Variants in B4GALNT2 observed in about 807,000 individuals in gnomAD.
B4GALNT2 encodes the protein beta-1,4-N-acetyl-galactosaminyltransferase 2 (SID blood group), also known as N-acetylneuraminylgalactosylglucosyl-glucoside beta-1,4-N- acetylgalactosaminyltransferase 2.
A neutral mutation model predicts 51.1 loss-of-function variants in B4GALNT2; 42 were observed. That is an observed-to-expected ratio of 0.82 (90% CI 0.64 to 1.06). The LOEUF (loss-of-function observed/expected upper bound fraction) is 1.06. Among genes scored for constraint, B4GALNT2 ranks in the 50% least tolerant of loss-of-function variants. B4GALNT2 has a pLI of 0.00. For missense variants in B4GALNT2, 602 were observed against 633.6 expected, an observed-to-expected ratio of 0.95 and a Z score of 0.54; for synonymous variants, 253 against 251.7, an observed-to-expected ratio of 1.01 and a Z score of -0.05.
At chr17:49,167,189 C>G (rs1417137036) in intron 9 of B4GALNT2, among the ~76,000 whole-genome samples, 1 of 152,210 alleles carries the variant, frequency 6.6e-6, no homozygotes, top group Non-Finnish European at 1.5e-5. Context: ...AACAACCACA[C>G]TGGCAGCTGA....
At chr17:49,127,233 G>C in the B4GALNT2 span, among the ~76,000 whole-genome samples, 1 of 152,062 alleles carries the variant, frequency 6.6e-6, no homozygotes, top group African/African-American at 2.4e-5. Flanking sequence ...ACAGTTCAAG[G>C]TGTAGCTATC....
At position 49,166,241 on chromosome 17, in the gene B4GALNT2, C is replaced by T. The variant is rs1376783276; in HGVS notation, c.1082C>T (p.Thr361Ile). 2 of 1,613,420 alleles carry T rather than the reference C, an allele frequency of 1.2e-6. No individual in the cohort carries two copies. Among genetic ancestry groups the T allele is most frequent in the Admixed American group, 3.3e-5 (2 of 59,896 alleles). Reference protein sequence around the residue: ...IEVLVDVLEKTELDVVGGSVL... With the variant: ...IEVLVDVLEKIELDVVGGSVL... Reference sequence around the variant, plus strand: ...GTGCTGGTGGATGTCCTGGAGAAAACAGAACTGGACGTGGTAAGGGACAGT... The same window carrying T: ...GTGCTGGTGGATGTCCTGGAGAAAATAGAACTGGACGTGGTAAGGGACAGT... The change falls in exon 9 of 11, where the codon ACA becomes ATA. Residue 361 changes from threonine (T) to isoleucine (I), a missense_variant. Physicochemically the swap from Thr to Ile is moderately conservative, Grantham distance 89. Coordinates refer to ENST00000393354, the MANE Select transcript of B4GALNT2 (RefSeq NM_001159387.2).
Position 49,169,849 on chromosome 17 carries a change from G to T in B4GALNT2, c.*121G>T. On this transcript the variant is annotated 3_prime_UTR_variant, in exon 11 of 11. Transcript: ENST00000393354. ...AAACCAGCTGGTGGGTAGGGAAAAGGGAAATGGCTCAGTTACTGGAAGTAC... is the reference window on the plus strand; with the variant it reads ...AAACCAGCTGGTGGGTAGGGAAAAGTGAAATGGCTCAGTTACTGGAAGTAC... The T allele has an allele frequency of 1.0e-6, 1 of 980,468 alleles. No individual in the cohort carries two copies. Among genetic ancestry groups the T allele is most frequent in the Non-Finnish European group, 1.4e-6 (1 of 693,244 alleles). The allele number at this position is 980,468 out of a possible 1,614,324, so 60.7% of individuals were successfully genotyped here.
rs1295086249 is a variant in B4GALNT2 at position 49,168,858 on chromosome 17, A to G, written c.1273A>G (p.Arg425Gly). Residue 425 changes from arginine (R) to glycine (G), a missense_variant, in exon 10 of 11, where the codon AGA (arginine) becomes GGA (glycine). By Grantham distance (125) the Arg-to-Gly change is moderately radical (BLOSUM62 -2). Transcript: ENST00000393354. ...FFLAHTERLQ[R>G]VGFDPRLQRV... ...CCTGGCCCACACGGAGCGACTCCAAAGAGTTGGCTTTGATCCCCGCCTGCA... is the reference window on the plus strand; with the variant it reads ...CCTGGCCCACACGGAGCGACTCCAAGGAGTTGGCTTTGATCCCCGCCTGCA... 3.1e-6 allele frequency: 5 copies of G among 1,613,248 alleles called. No homozygotes were observed. The highest frequency in any genetic ancestry group is 4.2e-6 in the Non-Finnish European group (5 of 1,179,980).
At chr17:49,152,970 G>GGAGA in intron 4 of B4GALNT2, 64 bp downstream of exon 4, 19 of 1,424,288 alleles carry the variant, frequency 1.3e-5, no homozygotes, top group Non-Finnish European at 1.8e-5. Flanking sequence ...GCAAAAGGAG[G>GGAGA]GAGAGGTCGG....
At chr17:49,154,352 A>G (rs1473041071) in intron 4 of B4GALNT2, among the ~76,000 whole-genome samples, 2 of 152,058 alleles carry the variant, frequency 1.3e-5, no homozygotes, top group Admixed American at 1.3e-4. Flanking sequence ...GCCCTCCATG[A>G]TGGATTTTTA....
intron 7 of B4GALNT2, among the ~76,000 whole-genome samples, chr17:49,161,945 A>T (rs904268336): frequency 2.0e-5 from 3 of 151,424 alleles, no homozygotes; most frequent in Non-Finnish European, 4.4e-5. Context: ...ATAAAGAAAA[A>T]ATTAAAAATA....
chr17:49,160,510 C>T lies in B4GALNT2; in HGVS notation c.680-45C>T, dbSNP rs200640469. 607 of 1,570,122 alleles carry T rather than the reference C, an allele frequency of 3.9e-4. 3 individuals carry two copies. Among genetic ancestry groups the T allele is most frequent in the Non-Finnish European group, 4.9e-4 (561 of 1,140,024 alleles). ...TTCCCGGGGTGGCATGGAGTTTAAT[C>T]CAGACATGATACTCCCTGTGCCATT... On this transcript the variant is annotated intron_variant, in intron 6 of 10. Transcript: ENST00000393354.
chr17:49,138,957 GAT>G (rs1324891062), intron 1 of B4GALNT2, among the ~76,000 whole-genome samples: 1 of 152,116 alleles, frequency 6.6e-6, no homozygotes, highest in African/African-American at 2.4e-5. Flanking sequence ...GATTAAATGA[GAT>G]AATGCACACA....
At position 49,154,300 on chromosome 17, in the gene B4GALNT2, C is replaced by T. The variant is rs539119619; in HGVS notation, c.460+1394C>T. 5.3e-5 allele frequency among the ~76,000 whole-genome samples: 8 copies of T among 152,202 alleles called. No homozygotes were observed. In the South Asian group the frequency reaches 6.2e-4, roughly 12 times the overall value. ...ACAGGCATGAGCCACTGAGCCTGGC[C>T]GGGAGTGCATTGTGAAAAGAATATT... On this transcript the variant is annotated intron_variant, in intron 4 of 10. Transcript: ENST00000393354.
intron 5 of B4GALNT2, 100 bp from the exon 6 acceptor site, chr17:49,158,937 T>C (rs568586812): frequency 1.5e-6 from 2 of 1,370,826 alleles, no homozygotes; most frequent in Non-Finnish European, 2.0e-6. Context: ...CTCACCCTTA[T>C]GTGCTCTGCC....
intron 4 of B4GALNT2, among the ~76,000 whole-genome samples, chr17:49,155,344 T>A (rs1051774229): frequency 4.1e-5 from 6 of 145,180 alleles, no homozygotes; most frequent in Admixed American, 7.0e-5. Context: ...GGCTCACACC[T>A]GTAATCCCAG....
chr17:49,136,154 A>G (rs1173060783), intron 1 of B4GALNT2, among the ~76,000 whole-genome samples: 1 of 151,874 alleles, frequency 6.6e-6, no homozygotes, highest in Non-Finnish European at 1.5e-5. Context: ...ATAAATTACT[A>G]TAGAGCAAAG....
chr17:49,143,874 A>G (rs747631759), intron 3 of B4GALNT2, among the ~76,000 whole-genome samples: 1 of 152,134 alleles, frequency 6.6e-6, no homozygotes, highest in Non-Finnish European at 1.5e-5. Flanking sequence ...TTGGTTGGGC[A>G]TGGTGGCTCA....
chr17:49,160,271 TAA>T (rs2042850992), intron 6 of B4GALNT2, among the ~76,000 whole-genome samples: 1 of 152,248 alleles, frequency 6.6e-6, no homozygotes, highest in African/African-American at 2.4e-5. Context: ...TAGTAAATGG[TAA>T]AGTCAAACTT....
chr17:49,122,720 A>G, the B4GALNT2 span, among the ~76,000 whole-genome samples: 4 of 152,226 alleles, frequency 2.6e-5, no homozygotes, highest in African/African-American at 7.2e-5. Flanking sequence ...GCAGAGGCAC[A>G]TGTTTGGAAA....
rs990054087 is a variant in B4GALNT2, at chr17:49,176,003, G to A, written c.*6275G>A. On this transcript the variant is annotated 3_prime_UTR_variant, in exon 11 of 11. Transcript: ENST00000393354. ...ATACTTTCCTTCCTTCTCATCATTA[G>A]TGTGAAAAGGTTCTAAGGTGGAACG... 1 of 152,138 alleles carries A rather than the reference G, an allele frequency of 6.6e-6. No homozygotes were observed. The highest frequency in any genetic ancestry group is 2.4e-5 in the African/African-American group (1 of 41,404). 9.4% of individuals were successfully genotyped at this position (152,138 alleles called of 1,614,324 possible).
upstream of B4GALNT2, among the ~76,000 whole-genome samples, chr17:49,131,092 A>G (rs1442381824): frequency 1.3e-5 from 2 of 152,228 alleles, no homozygotes; most frequent in Admixed American, 6.5e-5. Context: ...AAGATCTCAT[A>G]GGCTCAGTCT....
rs1439800072 is a variant in B4GALNT2 at position 49,170,576 on chromosome 17, C to T, written c.*848C>T. 1 of 152,260 alleles carries T rather than the reference C, an allele frequency of 6.6e-6. No homozygotes were observed. Among genetic ancestry groups the T allele is most frequent in the Non-Finnish European group, 1.5e-5 (1 of 68,056 alleles). The allele number at this position is 152,260 out of a possible 1,614,324, so 9.4% of individuals were successfully genotyped here. ...GTTGCTGGTCACTCAAAACTCATGTCATTTACAGAGTGGTTCCATCACTCT... is the reference window on the plus strand; with the variant it reads ...GTTGCTGGTCACTCAAAACTCATGTTATTTACAGAGTGGTTCCATCACTCT... On this transcript the variant is annotated 3_prime_UTR_variant, in exon 11 of 11. Transcript: ENST00000393354.
Sources: allele counts gnomAD v4.1 joint callset (sites outside exome capture counted in the v4.1 genomes callset), GRCh38; gene constraint gnomAD v4.1.1; transcripts MANE v1.5; gene names NCBI Gene and HGNC (gene_info 2026-07-23, HGNC 2026-07-21).